TMED8: variants seen among roughly 807,000 people sequenced by gnomAD.
TMED8 encodes protein TMED8.
In TMED8, 15 loss-of-function variants were observed where a neutral mutation model predicts 32.7. The ratio of observed to expected loss-of-function variants is 0.46; its 90% CI spans 0.31 to 0.71. TMED8 has a LOEUF of 0.71. Among genes scored for constraint, TMED8 ranks in the 30% least tolerant of loss-of-function variants. The pLI is 0.06. For synonymous variants in TMED8, 147 were observed against 161.4 expected (o/e 0.91, Z 0.68); for missense variants, 390 against 423.9 (o/e 0.92, Z 0.70).
chr14:77,340,155 G>C lies in TMED8; in HGVS notation c.*1616C>G, dbSNP rs1460377547. 6.6e-6 allele frequency: 1 copy of C among 152,166 alleles called. No individual in the cohort carries two copies. Among genetic ancestry groups the C allele is most frequent in the Non-Finnish European group, 1.5e-5 (1 of 68,044 alleles). The allele number at this position is 152,166 out of a possible 1,614,324, so 9.4% of individuals were successfully genotyped here. On this transcript the variant is annotated 3_prime_UTR_variant, in exon 6 of 6. Transcript: ENST00000216468. ...TTAGAATTTTTCATGGGGAGTGCTG[G>C]ACTGTACCCCAAACATGGAGTAAGG... is the stretch of plus-strand genomic sequence containing the variant.
At chr14:77,345,054 C>G (rs1199021011) in intron 3 of TMED8, among the ~76,000 whole-genome samples, 2 of 152,214 alleles carry the variant, frequency 1.3e-5, no homozygotes, top group Non-Finnish European at 2.9e-5. Flanking sequence ...ATGGCACGAT[C>G]TCAGCTCACT....
chr14:77,374,406 T>C (rs1428799438), intron 1 of TMED8, among the ~76,000 whole-genome samples: 1 of 152,226 alleles, frequency 6.6e-6, no homozygotes, highest in East Asian at 1.9e-4. Context: ...CTCCTTGTTA[T>C]GGGGATTGCC....
At chr14:77,358,497 C>T (rs1219775753) in intron 1 of TMED8, among the ~76,000 whole-genome samples, 1 of 152,078 alleles carries the variant, frequency 6.6e-6, no homozygotes, top group Non-Finnish European at 1.5e-5. Context: ...CAGGGTTTCA[C>T]CATGTTGGTC....
rs140079800 is a variant in TMED8, at chr14:77,343,635, G to T, written c.454+62C>A. The T allele has an allele frequency of 2.6e-5, 42 of 1,600,588 alleles. No homozygotes were observed. In the East Asian group the frequency reaches 9.4e-4, roughly 36 times the overall value. Reference sequence around the variant, plus strand: ...TTTCTTTCCTTCCATTTGTCTGTCTGCCTGCCTTTCTTTGAGTATCTACTG... The same window carrying T: ...TTTCTTTCCTTCCATTTGTCTGTCTTCCTGCCTTTCTTTGAGTATCTACTG... On this transcript the variant is annotated intron_variant, in intron 4 of 5. Coordinates refer to ENST00000216468, the MANE Select transcript of TMED8 (RefSeq NM_213601.3).
At position 77,369,706 on chromosome 14, in the gene TMED8, T is replaced by C. The variant is rs1386687191; in HGVS notation, c.118+7230A>G. On this transcript the variant is annotated intron_variant, in intron 1 of 5. Coordinates refer to ENST00000216468, the MANE Select transcript of TMED8 (RefSeq NM_213601.3). ...CACAGCTAGGTAATTCTTCATGATC[T>C]TTCTATCTCTCCAGTATCTTCCAGC... 2.0e-5 allele frequency among the ~76,000 whole-genome samples: 3 copies of C among 152,316 alleles called. No individual in the cohort carries two copies. In the East Asian group the frequency reaches 5.8e-4, roughly 29 times the overall value.
At chr14:77,344,812 A>T (rs1216268157) in intron 3 of TMED8, among the ~76,000 whole-genome samples, 1 of 152,192 alleles carries the variant, frequency 6.6e-6, no homozygotes, top group Non-Finnish European at 1.5e-5. Context: ...GTTTCTGGAG[A>T]ATAAGCCCTC....
At chr14:77,356,990 A>G (rs923032644) in intron 1 of TMED8, among the ~76,000 whole-genome samples, 1 of 152,256 alleles carries the variant, frequency 6.6e-6, no homozygotes, top group African/African-American at 2.4e-5. Flanking sequence ...TGTCCAGTAT[A>G]GTAATTACTA....
chr14:77,357,939 C>A (rs541560362), intron 1 of TMED8, among the ~76,000 whole-genome samples: 118 of 152,064 alleles, frequency 7.8e-4, no homozygotes, highest in South Asian at 1.9e-3. Context: ...GCCTGGCCAA[C>A]ATGGTGAAAC....
intron 2 of TMED8, among the ~76,000 whole-genome samples, chr14:77,351,454 G>A (rs1893176572): frequency 1.4e-5 from 2 of 141,990 alleles, no homozygotes; most frequent in Non-Finnish European, 3.1e-5. Flanking sequence ...GTAGAGACGG[G>A]GTTTCACTGT....
rs549454633 is a variant in TMED8, at chr14:77,335,831, A to G, written c.*5940T>C. The G allele has an allele frequency of 1.5e-4, 23 of 152,354 alleles. No homozygotes were observed. The highest frequency in any genetic ancestry group is 1.4e-3 in the Admixed American group (22 of 15,298). The allele number at this position is 152,354 out of a possible 1,614,324, so 9.4% of individuals were successfully genotyped here. ...GGAAATAATTTAGCTTGGTTAAATG[A>G]AAGCTACTTCACTTACAGGATAATC... On this transcript the variant is annotated 3_prime_UTR_variant, in exon 6 of 6. Coordinates refer to ENST00000216468, the MANE Select transcript of TMED8 (RefSeq NM_213601.3).
rs1174626202 is a variant in TMED8 at position 77,360,455 on chromosome 14, CTTT to C, written c.119-8707_119-8705del. Among the ~76,000 whole-genome samples the C allele has an allele frequency of 2.0e-5, 3 of 150,356 alleles. No individual in the cohort carries two copies. In the East Asian group the frequency reaches 5.8e-4, roughly 29 times the overall value. ...ATAAGAGAGATCGAGCAGTATTTTTCTTTTTGTGTCTGGCTTATTTTACTTAAT... is the reference window on the plus strand; with the variant it reads ...ATAAGAGAGATCGAGCAGTATTTTTCTTGTGTCTGGCTTATTTTACTTAAT... On this transcript the variant is annotated intron_variant, in intron 1 of 5. Coordinates refer to ENST00000216468, the MANE Select transcript of TMED8 (RefSeq NM_213601.3).
At chr14:77,349,241 T>C (rs7155184) in intron 2 of TMED8, among the ~76,000 whole-genome samples, 36,408 of 150,886 alleles carry the variant, frequency 0.24, 4,698 homozygotes, top group African/African-American at 0.31. Context: ...CTCAGCCTCC[T>C]GAGTAGCTGG....
chr14:77,370,097 A>G (rs1264943227), intron 1 of TMED8, among the ~76,000 whole-genome samples: 1 of 150,576 alleles, frequency 6.6e-6, no homozygotes, highest in East Asian at 2.0e-4. Flanking sequence ...GCTTGAACCC[A>G]GAAGGCGGAG....
chr14:77,344,047 C>G (rs1892973609), intron 3 of TMED8, among the ~76,000 whole-genome samples: 1 of 152,166 alleles, frequency 6.6e-6, no homozygotes, highest in South Asian at 2.1e-4. Flanking sequence ...AAGACTGTTT[C>G]CTACCTTTTG....
intron 1 of TMED8, among the ~76,000 whole-genome samples, chr14:77,366,840 A>G (rs1184875535): frequency 6.6e-6 from 1 of 152,176 alleles, no homozygotes; most frequent in Non-Finnish European, 1.5e-5. Flanking sequence ...GCTCGGAGAA[A>G]TCATGATGCC....
At position 77,335,718 on chromosome 14, in the gene TMED8, C is replaced by G. The variant is rs1036309686; in HGVS notation, c.*6053G>C. ...CTTCTGGGAATTTCAAAACACTTCC[C>G]GTTACGTTAAGGGAAAATGGGTACA... On this transcript the variant is annotated 3_prime_UTR_variant, in exon 6 of 6. Coordinates refer to ENST00000216468, the MANE Select transcript of TMED8 (RefSeq NM_213601.3). 2.6e-5 allele frequency: 4 copies of G among 152,254 alleles called. No homozygotes were observed. The South Asian group carries it at 8.3e-4, about 32-fold the overall frequency. The allele number at this position is 152,254 out of a possible 1,614,324, so 9.4% of individuals were successfully genotyped here.
At chr14:77,372,948 ATATATTTTTTTTTTT>A (rs1893726794) in intron 1 of TMED8, among the ~76,000 whole-genome samples, 2 of 18,324 alleles carry the variant, frequency 1.1e-4, no homozygotes, top group African/African-American at 4.3e-4. Flanking sequence ...ATATATATAT[ATATATTTTTTTTTTT>A]TTTTTTTTTT....
At chr14:77,353,644 T>C (rs73311369) in intron 1 of TMED8, among the ~76,000 whole-genome samples, 33,286 of 150,828 alleles carry the variant, frequency 0.22, 3,838 homozygotes, top group Admixed American at 0.29. Context: ...TTTGTAGAGA[T>C]GGGGGTCTCA....
chr14:77,339,529 A>T lies in TMED8; in HGVS notation c.*2242T>A, dbSNP rs888859394. On this transcript the variant is annotated 3_prime_UTR_variant, in exon 6 of 6. Transcript: ENST00000216468. Reference sequence around the variant, plus strand: ...GAAGTTAATAATAAACAGGAAAAATAAGCAAGGCTTTAGCTGACTAGAAAA... The same window carrying T: ...GAAGTTAATAATAAACAGGAAAAATTAGCAAGGCTTTAGCTGACTAGAAAA... 1 of 152,252 alleles carries T rather than the reference A, an allele frequency of 6.6e-6. No individual in the cohort carries two copies. Among genetic ancestry groups the T allele is most frequent in the African/African-American group, 2.4e-5 (1 of 41,464 alleles). The allele number at this position is 152,252 out of a possible 1,614,324, so 9.4% of individuals were successfully genotyped here.
Sources: gnomAD v4.1 joint callset for allele counts (sites outside exome capture counted in the v4.1 genomes callset) on GRCh38, gnomAD v4.1.1 for gene constraint, MANE v1.5 for transcripts, NCBI Gene and HGNC (gene_info 2026-07-23, HGNC 2026-07-21) for gene names.